The following RBM19 variants were observed in gnomAD, a reference collection of about 807,000 sequenced individuals.
RBM19 encodes the protein RNA binding motif protein 19, also known as probable RNA-binding protein 19.
A neutral mutation model predicts 116.8 loss-of-function variants in RBM19; 94 were observed. The observed-to-expected ratio is 0.80, with a 90% CI of 0.68 to 0.95. The LOEUF (loss-of-function observed/expected upper bound fraction) is 0.95. Ranked by LOEUF, RBM19 falls within the 40% of genes least tolerant of loss-of-function variation. The pLI is 0.00. For missense variants in RBM19, 1,161 were observed against 1,220.7 expected (o/e 0.95, Z 0.73); for synonymous variants, 475 against 494.1 (o/e 0.96, Z 0.51).
chr12:113,917,809 CATTT>C (rs1424763388), intron 20 of RBM19, among the ~76,000 whole-genome samples: 1 of 152,190 alleles, frequency 6.6e-6, no homozygotes, highest in Admixed American at 6.5e-5. Context: ...TGTAATAGTT[CATTT>C]AGATATACAA....
chr12:113,949,842 T>G (rs2135925803), intron 9 of RBM19, among the ~76,000 whole-genome samples: 1 of 152,298 alleles, frequency 6.6e-6, no homozygotes, highest in East Asian at 1.9e-4. Flanking sequence ...CCCTGTAGCA[T>G]GGATCACACA....
At chr12:113,924,296 G>A (rs1868860431) in intron 18 of RBM19, among the ~76,000 whole-genome samples, 1 of 152,224 alleles carries the variant, frequency 6.6e-6, no homozygotes, top group Non-Finnish European at 1.5e-5. Flanking sequence ...GAAGGGAAGA[G>A]GGAGAGTGCA....
At chr12:113,927,701 TC>T (rs1179457471) in intron 16 of RBM19, among the ~76,000 whole-genome samples, 1 of 149,228 alleles carries the variant, frequency 6.7e-6, no homozygotes, top group African/African-American at 2.5e-5. Context: ...TTAGGAAGAG[TC>T]TAAATACCCC....
chr12:113,840,624 G>A (rs2135711380), intron 23 of RBM19, among the ~76,000 whole-genome samples: 1 of 152,344 alleles, frequency 6.6e-6, no homozygotes, highest in Middle Eastern at 3.4e-3. Flanking sequence ...TGGCCTGATG[G>A]GAGGCCGTGG....
intron 16 of RBM19, among the ~76,000 whole-genome samples, chr12:113,935,677 T>C (rs1341237255): frequency 6.6e-6 from 1 of 152,052 alleles, no homozygotes; most frequent in Non-Finnish European, 1.5e-5. Context: ...AGATACACAG[T>C]GAAACAAGGA....
intron 16 of RBM19, chr12:113,932,630 CA>C (rs1869705101): frequency 6.6e-6 from 1 of 152,222 alleles, no homozygotes; most frequent in Admixed American, 6.5e-5. Flanking sequence ...TGGAGACAGC[CA>C]GGAGCCAAGG....
At chr12:113,937,344 A>C in intron 15 of RBM19, 1 of 478,798 alleles carries the variant, frequency 2.1e-6, no homozygotes. Context: ...CTCAGGGTGC[A>C]GGAGAGAGGC....
At chr12:113,902,374 G>A (rs1881751208) in intron 21 of RBM19, among the ~76,000 whole-genome samples, 1 of 152,108 alleles carries the variant, frequency 6.6e-6, no homozygotes, top group Admixed American at 6.5e-5. Context: ...GGCTGACACA[G>A]GAGGATTACT....
intron 12 of RBM19, 139 bp from the exon 13 acceptor site, chr12:113,946,063 A>G (rs1870994027): frequency 1.2e-6 from 1 of 833,640 alleles, no homozygotes; most frequent in Non-Finnish European, 1.9e-6. Context: ...TGGGCTACGT[A>G]TACAGGGCCT....
At chr12:113,836,994 TACACACAC>T (rs55991489) in intron 23 of RBM19, among the ~76,000 whole-genome samples, 1,423 of 56,212 alleles carry the variant, frequency 0.025, 84 homozygotes, top group Admixed American at 0.13. Context: ...ACTTACTACA[TACACACAC>T]ACACACACAC....
chr12:113,838,990 C>T (rs1052952504), intron 23 of RBM19, among the ~76,000 whole-genome samples: 7 of 152,224 alleles, frequency 4.6e-5, no homozygotes, highest in East Asian at 1.9e-4. Flanking sequence ...CAGGCCCTGC[C>T]GAATGGTTAA....
intron 20 of RBM19, among the ~76,000 whole-genome samples, chr12:113,918,096 T>C (rs918952449): frequency 1.3e-5 from 2 of 152,008 alleles, no homozygotes; most frequent in African/African-American, 4.8e-5. Flanking sequence ...GAGTGTTGTT[T>C]GCCTGTTTCT....
intron 13 of RBM19, 27 bp from the exon 14 acceptor site, chr12:113,942,461 G>A: frequency 6.3e-7 from 1 of 1,575,248 alleles, no homozygotes; most frequent in Non-Finnish European, 8.6e-7. Context: ...GAAGAGTTCT[G>A]GTTGGCTGTC....
chr12:113,882,347 C>T (rs1287515615), intron 21 of RBM19, among the ~76,000 whole-genome samples: 1 of 152,228 alleles, frequency 6.6e-6, no homozygotes, highest in Admixed American at 6.5e-5. Flanking sequence ...GCAAATCACT[C>T]ACACCCTGTG....
At chr12:113,851,734 G>GTTTTT (rs11361920) in intron 22 of RBM19, among the ~76,000 whole-genome samples, 6 of 144,252 alleles carry the variant, frequency 4.2e-5, no homozygotes, top group South Asian at 4.5e-4. Flanking sequence ...TTGTGGTAAA[G>GTTTTT]TTTTTTTTTT....
chr12:113,855,191 G>A (rs1404364757), intron 22 of RBM19, among the ~76,000 whole-genome samples: 1 of 152,214 alleles, frequency 6.6e-6, no homozygotes, highest in Non-Finnish European at 1.5e-5. Context: ...GGCCACAGCA[G>A]GGACTGTGGT....
At chr12:113,869,111 C>A (rs115100597) in intron 21 of RBM19, among the ~76,000 whole-genome samples, 1,801 of 152,218 alleles carry the variant, frequency 0.012, 42 homozygotes, top group African/African-American at 0.04. Context: ...AGCAGGTGAC[C>A]CCTCCTAAGC....
chr12:113,947,512 C>A, intron 10 of RBM19, 48 bp from the exon 11 acceptor site: 2 of 1,548,142 alleles, frequency 1.3e-6, no homozygotes, highest in South Asian at 1.2e-5. Context: ...AGCCACTTGG[C>A]CCCAGGGAAG....
intron 21 of RBM19, among the ~76,000 whole-genome samples, chr12:113,890,793 T>A (rs1446022967): frequency 6.6e-6 from 1 of 152,158 alleles, no homozygotes; most frequent in Non-Finnish European, 1.5e-5. Flanking sequence ...GCCTGTGGAA[T>A]ATATATAATT....
Sources: allele counts gnomAD v4.1 joint callset (sites outside exome capture counted in the v4.1 genomes callset), GRCh38; gene constraint gnomAD v4.1.1; transcripts MANE v1.5; gene names NCBI Gene and HGNC (gene_info 2026-07-23, HGNC 2026-07-21).